Variants in PAH observed in about 807,000 individuals in gnomAD.
PAH encodes phenylalanine hydroxylase.
In PAH, 64 loss-of-function variants were observed where a neutral mutation model predicts 62.0. That is an observed-to-expected ratio of 1.03 (90% CI 0.84 to 1.27). The LOEUF (loss-of-function observed/expected upper bound fraction) is 1.27. PAH is among the 50% of genes most tolerant of loss of function. PAH has a pLI of 0.00. For synonymous variants in PAH, 195 were observed against 196.2 expected (o/e 0.99, Z 0.05); for missense variants, 579 against 542.8 (o/e 1.07, Z -0.66).
At chr12:102,871,073 T>C (rs1292907971) in intron 4 of PAH, among the ~76,000 whole-genome samples, 1 of 152,226 alleles carries the variant, frequency 6.6e-6, no homozygotes, top group Non-Finnish European at 1.5e-5. Flanking sequence ...CCACCATTTC[T>C]TGCCTGACTA....
At position 102,859,013 on chromosome 12, in the gene PAH, C is replaced by CA. The variant is rs201263271; in HGVS notation, c.510-3682dup. 9.9e-3 allele frequency among the ~76,000 whole-genome samples: 1,507 copies of CA among 152,006 alleles called. 16 individuals carry two copies. The highest frequency in any genetic ancestry group is 0.033 in the African/African-American group (1,388 of 41,456). ...GGAGATAGAGACACAAAAAAACCTT[C>CA]AAAAAATCAATGAATCCAGGAGCTG... On this transcript the variant is annotated intron_variant, in intron 5 of 12. Coordinates refer to ENST00000553106, the MANE Select transcript of PAH (RefSeq NM_000277.3).
intron 1 of PAH, among the ~76,000 whole-genome samples, chr12:102,926,421 C>T (rs1249935413): frequency 2.0e-5 from 3 of 150,586 alleles, no homozygotes; most frequent in South Asian, 2.1e-4. Context: ...GTTGGGGGGG[C>T]GGGTAAAGAG....
At chr12:102,933,204 C>A (rs974791877) in intron 1 of PAH, among the ~76,000 whole-genome samples, 3 of 152,112 alleles carry the variant, frequency 2.0e-5, no homozygotes, top group Non-Finnish European at 4.4e-5. Flanking sequence ...TTTTAGCCTC[C>A]ATAAATAAGT....
chr12:102,885,790 AC>A (rs1234846096), intron 3 of PAH, among the ~76,000 whole-genome samples: 2 of 152,080 alleles, frequency 1.3e-5, no homozygotes, highest in East Asian at 3.9e-4. Context: ...CCCTCCCTCC[AC>A]CCGATGTTCA....
rs778961552 is a variant in PAH, at chr12:102,856,683, G to A, written c.510-1351C>T. ...CAACATTTGGTGTTCAGAAATATTT[G>A]CTGTTCTGCAGCCTCCGCTGCTGAC... On this transcript the variant is annotated intron_variant, in intron 5 of 12. Coordinates refer to ENST00000553106, the MANE Select transcript of PAH (RefSeq NM_000277.3). 8.8e-4 allele frequency among the ~76,000 whole-genome samples: 134 copies of A among 152,202 alleles called. 2 individuals carry two copies. Among genetic ancestry groups the A allele is most frequent in the Admixed American group, 1.4e-3 (21 of 15,276 alleles).
chr12:102,839,332 C>G, intron 12 of PAH, 114 bp from the exon 13 acceptor site: 1 of 968,564 alleles, frequency 1.0e-6, no homozygotes, highest in South Asian at 1.3e-5. Context: ...GAGCTGGGTG[C>G]CACCCCAACT....
chr12:102,874,351 C>G (rs1041003268), intron 4 of PAH, among the ~76,000 whole-genome samples: 2 of 152,218 alleles, frequency 1.3e-5, no homozygotes, highest in East Asian at 1.9e-4. Flanking sequence ...GCTTTGAGAA[C>G]AGTCAACACC....
chr12:102,880,163 G>T (rs1209359921), intron 3 of PAH, among the ~76,000 whole-genome samples: 1 of 152,008 alleles, frequency 6.6e-6, no homozygotes, highest in Non-Finnish European at 1.5e-5. Flanking sequence ...CTGTTCATTT[G>T]GTGAGGAACG....
chr12:102,879,609 G>C lies in PAH; in HGVS notation c.353-2059C>G, dbSNP rs976023312. 2.6e-5 allele frequency among the ~76,000 whole-genome samples: 4 copies of C among 151,426 alleles called. No homozygotes were observed. The East Asian group carries it at 7.7e-4, about 29-fold the overall frequency. ...GTGTTCTAAATATTTTACCTGTGGG[G>C]GGGGGGTACTATTAATGTTCCCATT... On this transcript the variant is annotated intron_variant, in intron 3 of 12. Transcript: ENST00000553106.
At position 102,897,589 on chromosome 12, in the gene PAH, TA is replaced by T. The variant is rs916521994; in HGVS notation, c.169-2672del. 5.3e-5 allele frequency among the ~76,000 whole-genome samples: 8 copies of T among 152,056 alleles called. 1 individual carries two copies. The highest frequency in any genetic ancestry group is 2.4e-5 in the African/African-American group (1 of 41,492). ...AAAAAATGTTGGAACATCACAAGTA[TA>T]AATAGTCTTAGAGTTTTTAAGGAAT... On this transcript the variant is annotated intron_variant, in intron 2 of 12. Transcript: ENST00000553106.
At chr12:102,849,815 T>G (rs1177665830) in intron 8 of PAH, among the ~76,000 whole-genome samples, 1 of 152,138 alleles carries the variant, frequency 6.6e-6, no homozygotes, top group African/African-American at 2.4e-5. Flanking sequence ...CCAGCCCCAC[T>G]CCATCCTGTA....
At chr12:102,948,965 A>T (rs34683293) in intron 1 of PAH, among the ~76,000 whole-genome samples, 16,022 of 152,224 alleles carry the variant, frequency 0.11, 1,014 homozygotes, top group Non-Finnish European at 0.15. Flanking sequence ...GAATAGAATC[A>T]AGTAGTCCTG....
At chr12:102,911,107 T>C (rs1188263597) in intron 2 of PAH, among the ~76,000 whole-genome samples, 1 of 151,978 alleles carries the variant, frequency 6.6e-6, no homozygotes, top group Non-Finnish European at 1.5e-5. Context: ...GATTTCCCCA[T>C]CCTTGGTAGG....
rs375002761 is a variant in PAH at position 102,839,148 on chromosome 12, C to G, written c.*27G>C. 1.2e-6 allele frequency: 2 copies of G among 1,604,922 alleles called. No homozygotes were observed. Among genetic ancestry groups the G allele is most frequent in the Non-Finnish European group, 1.7e-6 (2 of 1,171,876 alleles). On this transcript the variant is annotated 3_prime_UTR_variant, in exon 13 of 13. Coordinates refer to ENST00000553106, the MANE Select transcript of PAH (RefSeq NM_000277.3). ...TGGATCTCCATCAACAGATTCACAG[C>G]TGACAGACCACATTCTGTCCATGGC...
chr12:102,951,046 C>T (rs2136777088), upstream of PAH, among the ~76,000 whole-genome samples: 1 of 135,402 alleles, frequency 7.4e-6, no homozygotes, highest in African/African-American at 3.2e-5. Context: ...AAGGAGCAAT[C>T]AAGTTTGTGC....
At chr12:102,841,786 A>T (rs545565564) in intron 11 of PAH, among the ~76,000 whole-genome samples, 1 of 152,122 alleles carries the variant, frequency 6.6e-6, no homozygotes, top group South Asian at 2.1e-4. Context: ...GCTTTGGGTG[A>T]TTTACCCCTA....
intron 2 of PAH, among the ~76,000 whole-genome samples, chr12:102,896,395 G>A (rs1877503350): frequency 6.6e-6 from 1 of 152,230 alleles, no homozygotes; most frequent in African/African-American, 2.4e-5. Flanking sequence ...TTATGGTTTT[G>A]ATTCTGAAAG....
intron 1 of PAH, among the ~76,000 whole-genome samples, chr12:102,923,343 A>T (rs1878603478): frequency 6.6e-6 from 1 of 152,248 alleles, no homozygotes; most frequent in Non-Finnish European, 1.5e-5. Context: ...ACTGTATACA[A>T]CAAACTTGGT....
chr12:102,877,297 AT>A, intron 4 of PAH, 164 bp downstream of exon 4: 1 of 692,552 alleles, frequency 1.4e-6, no homozygotes, highest in South Asian at 1.6e-5. Flanking sequence ...GATGATGACA[AT>A]AAAGTCTTGC....
Sources: gnomAD v4.1 joint callset for allele counts (sites outside exome capture counted in the v4.1 genomes callset) on GRCh38, gnomAD v4.1.1 for gene constraint, MANE v1.5 for transcripts, NCBI Gene and HGNC (gene_info 2026-07-23, HGNC 2026-07-21) for gene names.